MTCL2: variants seen among roughly 807,000 people sequenced by gnomAD.
MTCL2 encodes microtubule crosslinking factor 2.
the MTCL2 span, among the ~76,000 whole-genome samples, chr20:36,853,875 T>C: frequency 6.6e-6 from 1 of 152,194 alleles, no homozygotes. Context: ...TCTGGGGCAT[T>C]CGTGTCAGGA....
the MTCL2 span, among the ~76,000 whole-genome samples, chr20:36,837,721 C>T: frequency 6.8e-3 from 1,028 of 151,854 alleles, 10 homozygotes; most frequent in African/African-American, 0.024. Flanking sequence ...GGATTACAGG[C>T]GGGAACCACC....
the MTCL2 span, chr20:36,808,820 G>GCC: frequency 3.7e-6 from 5 of 1,355,188 alleles, no homozygotes; most frequent in Non-Finnish European, 5.0e-6. Context: ...CTGGACAGGG[G>GCC]CAGGGAGGAA....
chr20:36,802,883 C>A, the MTCL2 span: 1 of 1,576,980 alleles, frequency 6.3e-7, no homozygotes. Context: ...GCAGCTCCTT[C>A]ACCTGCTGCT....
chr20:36,814,966 G>C, the MTCL2 span, among the ~76,000 whole-genome samples: 13 of 152,286 alleles, frequency 8.5e-5, no homozygotes, highest in African/African-American at 2.2e-4. Context: ...GAGAGTGAGG[G>C]GGGGAGAATG....
the MTCL2 span, among the ~76,000 whole-genome samples, chr20:36,842,570 A>G: frequency 6.6e-6 from 1 of 152,194 alleles, no homozygotes; most frequent in African/African-American, 2.4e-5. Flanking sequence ...CCAGGAGTTC[A>G]AGACCAGCCT....
the MTCL2 span, among the ~76,000 whole-genome samples, chr20:36,835,888 G>C: frequency 3.3e-5 from 5 of 152,256 alleles, no homozygotes; most frequent in East Asian, 9.7e-4. Flanking sequence ...TCCACCCACG[G>C]AGGCGCCGCA....
At chr20:36,811,635 A>C in the MTCL2 span, among the ~76,000 whole-genome samples, 1 of 152,028 alleles carries the variant, frequency 6.6e-6, no homozygotes, top group South Asian at 2.1e-4. Context: ...GTCTAAAAAA[A>C]AAAAAACAAA....
At chr20:36,815,220 TCCTTGA>T in the MTCL2 span, 1 of 1,614,044 alleles carries the variant, frequency 6.2e-7, no homozygotes, top group Non-Finnish European at 8.5e-7. This position sits in a 1 kb window ranked among gnomAD's most constrained non-coding sequence, Gnocchi z 5.3. Context: ...CTCCTGCTGT[TCCTTGA>T]CAGAGCACCC....
At chr20:36,787,886 A>G in the MTCL2 span, among the ~76,000 whole-genome samples, 2 of 122,976 alleles carry the variant, frequency 1.6e-5, no homozygotes, top group Non-Finnish European at 3.4e-5. Context: ...ACTCCATCTG[A>G]AAAAAAAAAA....
the MTCL2 span, among the ~76,000 whole-genome samples, chr20:36,800,550 G>A: frequency 6.6e-6 from 1 of 152,178 alleles, no homozygotes; most frequent in South Asian, 2.1e-4. Flanking sequence ...GCCAGATTCT[G>A]GTCCTCTCCC....
the MTCL2 span, chr20:36,797,591 G>A: frequency 1.9e-6 from 3 of 1,553,830 alleles, no homozygotes; most frequent in Non-Finnish European, 1.7e-6. Flanking sequence ...AGGGCAGAGA[G>A]GGTGGGTCGG....
chr20:36,830,414 A>G, the MTCL2 span, among the ~76,000 whole-genome samples: 1 of 152,092 alleles, frequency 6.6e-6, no homozygotes, highest in African/African-American at 2.4e-5. Flanking sequence ...AAAAACCCAA[A>G]AAAGTTAGCT....
chr20:36,857,913 TGGGC>T, the MTCL2 span, among the ~76,000 whole-genome samples: 9 of 152,156 alleles, frequency 5.9e-5, no homozygotes, highest in African/African-American at 2.2e-4. Context: ...CTCACGGCCC[TGGGC>T]GGGCGTGCTT....
the MTCL2 span, chr20:36,785,168 G>T: frequency 1.0e-6 from 1 of 985,416 alleles, no homozygotes; most frequent in Non-Finnish European, 1.2e-6. Context: ...CAGCCGTGTT[G>T]GGGTGCAGGG....
chr20:36,815,799 C>T, the MTCL2 span: 3 of 1,592,026 alleles, frequency 1.9e-6, no homozygotes, highest in South Asian at 1.1e-5. The surrounding 1 kb of genome is among the most constrained non-coding windows in gnomAD (Gnocchi z 5.3). Context: ...GTGCTCCGAG[C>T]GGAACTTGGC....
At chr20:36,815,893 G>A in the MTCL2 span, 2 of 1,610,646 alleles carry the variant, frequency 1.2e-6, no homozygotes, top group Non-Finnish European at 1.7e-6. The surrounding 1 kb of genome is among the most constrained non-coding windows in gnomAD (Gnocchi z 5.3). Flanking sequence ...TCGACAAACT[G>A]CAGGTGTCGC....
chr20:36,812,650 G>C, the MTCL2 span: 11 of 1,595,604 alleles, frequency 6.9e-6, no homozygotes, highest in Middle Eastern at 1.2e-3. Flanking sequence ...CTTTTGACAG[G>C]GCTCAGTCAC....
chr20:36,786,659 G>T, the MTCL2 span: 2 of 1,542,348 alleles, frequency 1.3e-6, no homozygotes, highest in Non-Finnish European at 1.7e-6. Context: ...GAGGCAGGGA[G>T]GCAGGAAGTC....
the MTCL2 span, among the ~76,000 whole-genome samples, chr20:36,856,940 T>C: frequency 5.3e-4 from 81 of 152,324 alleles, no homozygotes; most frequent in African/African-American, 1.9e-3. Context: ...ACATGCCTAA[T>C]GTTTGCATGC....
Sources: allele counts gnomAD v4.1 joint callset (sites outside exome capture counted in the v4.1 genomes callset), GRCh38; gene constraint gnomAD v4.1.1; non-coding constraint Gnocchi (gnomAD v3.1); transcripts MANE v1.5; gene names NCBI Gene and HGNC (gene_info 2026-07-23, HGNC 2026-07-21).